The following WWC1 variants were observed in gnomAD, a reference collection of about 807,000 sequenced individuals.
WWC1 encodes the protein WW and C2 domain containing 1.
A neutral mutation model predicts 138.4 loss-of-function variants in WWC1; 55 were observed. That is an observed-to-expected ratio of 0.40 (90% CI 0.32 to 0.50). WWC1 has a LOEUF of 0.50. WWC1 is among the 20% of genes least tolerant of loss of function. The pLI, the probability that WWC1 is intolerant of heterozygous loss-of-function variation, is 0.72. For synonymous variants in WWC1, 524 were observed against 564.9 expected (o/e 0.93, Z 1.03); for missense variants, 1,226 against 1,420.4 (o/e 0.86, Z 2.20).
At chr5:168,424,200 G>A in intron 11 of WWC1, 132 bp downstream of exon 11, 20 of 1,166,562 alleles carry the variant, frequency 1.7e-5, no homozygotes, top group Non-Finnish European at 2.1e-5. Context: ...TGTATGGCAA[G>A]TATATTTATT....
intron 4 of WWC1, among the ~76,000 whole-genome samples, chr5:168,399,168 G>A (rs1273683665): frequency 6.6e-6 from 1 of 152,186 alleles, no homozygotes; most frequent in African/African-American, 2.4e-5. Context: ...GACAGCTTGA[G>A]AGAGTTCACA....
chr5:168,381,055 T>G (rs890112813), intron 2 of WWC1, among the ~76,000 whole-genome samples: 15 of 152,094 alleles, frequency 9.9e-5, no homozygotes, highest in African/African-American at 3.6e-4. Flanking sequence ...ACACTGTAGA[T>G]CAATTCAGTG....
At chr5:168,295,482 C>CTGTG (rs1769457123) in intron 1 of WWC1, among the ~76,000 whole-genome samples, 1 of 67,818 alleles carries the variant, frequency 1.5e-5, no homozygotes, top group Non-Finnish European at 3.0e-5. Flanking sequence ...AATTTCTACT[C>CTGTG]CGTGTGTGTG....
At chr5:168,457,013 C>G (rs965392495) in intron 19 of WWC1, among the ~76,000 whole-genome samples, 1 of 152,234 alleles carries the variant, frequency 6.6e-6, no homozygotes, top group East Asian at 1.9e-4. Context: ...TATTAAGCAT[C>G]TGTAACACAC....
Position 168,414,511 on chromosome 5 carries a change from CA to C in WWC1, c.1106del (p.Gln369ArgfsTer24). ...PRKWTQGEVEQLEMARKRLEK... is the reference protein window; with the variant it reads ...PRKWTQGEVEXLEMARKRLEK... The stretch of plus-strand genomic sequence containing the variant: ...CAAGTGGACCCAGGGGGAGGTGGAG[CA>C]GCTGGAGATGGCCCGGAAGCGGCTG... On this transcript the variant is annotated frameshift_variant, in exon 9 of 23. Transcript: ENST00000265293. LOFTEE classifies it high-confidence loss of function. 1 of 1,557,820 alleles carries C rather than the reference CA, an allele frequency of 6.4e-7. No homozygotes were observed. The highest frequency in any genetic ancestry group is 8.7e-7 in the Non-Finnish European group (1 of 1,150,248).
At position 168,423,754 on chromosome 5, in the gene WWC1, C is replaced by T; in HGVS notation, c.1496C>T (p.Thr499Ile). 1 of 1,613,902 alleles carries T rather than the reference C, an allele frequency of 6.2e-7. No homozygotes were observed. Among genetic ancestry groups the T allele is most frequent in the Non-Finnish European group, 8.5e-7 (1 of 1,179,856 alleles). ...GGCTTCCGGCCCTCAGGCTGCATCA[C>T]CACCATCCACGAGGATGAGGTGGCC... Reference protein sequence around the residue: ...ATGFRPSGCITTIHEDEVAKT... With the variant: ...ATGFRPSGCIITIHEDEVAKT... The change falls in exon 11 of 23, where the codon ACC (threonine) becomes ATC (isoleucine). Residue 499 changes from threonine to isoleucine, a missense_variant. By Grantham distance (89) the Thr-to-Ile change is moderately conservative. Around this residue, in one of 3 missense-constraint regions of WWC1, gnomAD observed 1,016 missense variants for 1,153.9 expected, o/e 0.88. Coordinates refer to ENST00000265293, the MANE Select transcript of WWC1 (RefSeq NM_015238.3).
intron 2 of WWC1, among the ~76,000 whole-genome samples, chr5:168,372,460 G>A (rs1776834042): frequency 6.6e-6 from 1 of 152,156 alleles, no homozygotes; most frequent in African/African-American, 2.4e-5. Context: ...AATGGGATGT[G>A]CCTGGCAAAG....
At position 168,468,956 on chromosome 5, in the gene WWC1, A is replaced by G. The variant is rs1304286926; in HGVS notation, c.3281A>G (p.Lys1094Arg). ...AGGGATGGCCTCTCTTATAGGGAGA[A>G]GATGGCATTTTTCACCCGGCCTCGG... ...EPPEVQSFRE[K>R]MAFFTRPRMN... Residue 1094 changes from lysine (K) to arginine (R), a missense_variant, in exon 23 of 23, where the codon AAG becomes AGG. Coordinates refer to ENST00000265293, the MANE Select transcript of WWC1 (RefSeq NM_015238.3). 1 of 1,614,234 alleles carries G rather than the reference A, an allele frequency of 6.2e-7. No homozygotes were observed.
chr5:168,453,957 T>G lies in WWC1; in HGVS notation c.2526-11T>G. The stretch of plus-strand genomic sequence containing the variant: ...TTCTGGGTGGGTAACCAAAGTGCTT[T>G]GTCATCACAGGAGGTATGAGGAGAC... On this transcript the variant is annotated splice_polypyrimidine_tract_variant and intron_variant, in intron 17 of 22. Transcript: ENST00000265293. 6.2e-7 allele frequency: 1 copy of G among 1,611,912 alleles called. No individual in the cohort carries two copies.
At chr5:168,409,562 A>C (rs1780066399) in intron 7 of WWC1, among the ~76,000 whole-genome samples, 2 of 152,212 alleles carry the variant, frequency 1.3e-5, no homozygotes, top group African/African-American at 4.8e-5. Context: ...CAGTGCCCCT[A>C]GAATGAGTTT....
chr5:168,404,663 T>A (rs1322440295), intron 5 of WWC1, among the ~76,000 whole-genome samples: 1 of 152,214 alleles, frequency 6.6e-6, no homozygotes, highest in Non-Finnish European at 1.5e-5. Context: ...CTGTGAGTAG[T>A]TTCTCATCCT....
rs552070929 is a variant in WWC1 at position 168,372,958 on chromosome 5, A to T, written c.229+1425A>T. Among the ~76,000 whole-genome samples the T allele has an allele frequency of 3.6e-4, 55 of 152,352 alleles. 1 individual carries two copies. The Middle Eastern group carries it at 0.014, about 38-fold the overall frequency. ...CATGAATGCATGAATAAATGGGTGA[A>T]TGAGTGGACTGTTGTTGGCACCAAA... is the stretch of plus-strand genomic sequence containing the variant. On this transcript the variant is annotated intron_variant, in intron 2 of 22. Coordinates refer to ENST00000265293, the MANE Select transcript of WWC1 (RefSeq NM_015238.3).
chr5:168,460,247 G>C (rs1381220452), intron 19 of WWC1, among the ~76,000 whole-genome samples: 5 of 152,242 alleles, frequency 3.3e-5, no homozygotes, highest in Non-Finnish European at 5.9e-5. Flanking sequence ...TAAGAGGGCA[G>C]TATACTCTGA....
Position 168,357,481 on chromosome 5 carries a change from TGTGTGTGTGTGTGC to T in WWC1, c.120-13941_120-13928del, listed in dbSNP as rs1465804273. Among the ~76,000 whole-genome samples, 166 of 79,904 alleles carry T rather than the reference TGTGTGTGTGTGTGC, an allele frequency of 2.1e-3. 2 individuals are homozygous for T. The East Asian group carries it at 0.026, about 13-fold the overall frequency. 52.4% of individuals were successfully genotyped at this position (79,904 alleles called of 152,430 possible). On this transcript the variant is annotated intron_variant, in intron 1 of 22. Transcript: ENST00000265293. ...GTGTGTGTGTGTGTGTGTGTGTGTGTGTGTGTGTGTGTGCGCGCGCGCACGCATGCACGTGCGTG... is the reference window on the plus strand; with the variant it reads ...GTGTGTGTGTGTGTGTGTGTGTGTGTGCGCGCGCACGCATGCACGTGCGTG...
intron 1 of WWC1, among the ~76,000 whole-genome samples, chr5:168,362,374 C>T (rs1419183862): frequency 2.0e-5 from 3 of 152,200 alleles, no homozygotes; most frequent in Admixed American, 6.5e-5. Flanking sequence ...GTTTACATAT[C>T]TTGTCCAAGG....
At chr5:168,428,915 GCCAT>G in intron 13 of WWC1, 128 bp downstream of exon 13, 18 of 853,594 alleles carry the variant, frequency 2.1e-5, no homozygotes, top group Non-Finnish European at 3.2e-5. Flanking sequence ...GGACCTGCTG[GCCAT>G]TGCAGCTTCT....
intron 19 of WWC1, among the ~76,000 whole-genome samples, chr5:168,459,240 G>C (rs923541988): frequency 7.3e-6 from 1 of 137,478 alleles, no homozygotes; most frequent in Non-Finnish European, 1.6e-5. Context: ...GGCGAAAGGA[G>C]TGAAACCCTG....
chr5:168,392,614 G>A (rs952960672), intron 3 of WWC1, among the ~76,000 whole-genome samples: 1 of 152,174 alleles, frequency 6.6e-6, no homozygotes, highest in African/African-American at 2.4e-5. Flanking sequence ...GATTCCCTGA[G>A]TCCAGGAGTT....
chr5:168,386,385 T>TC (rs1778046774), intron 3 of WWC1, among the ~76,000 whole-genome samples: 1 of 151,026 alleles, frequency 6.6e-6, no homozygotes, highest in African/African-American at 2.4e-5. Flanking sequence ...TTCTTTTTTT[T>TC]TTTTTCTTTT....
Sources: gnomAD v4.1 joint callset for allele counts (sites outside exome capture counted in the v4.1 genomes callset) on GRCh38, gnomAD v4.1.1 for gene constraint, gnomAD v4.1.1 regional missense constraint, MANE v1.5 for transcripts, NCBI Gene and HGNC (gene_info 2026-07-23, HGNC 2026-07-21) for gene names.